TBC1D19: variants seen among roughly 807,000 people sequenced by gnomAD.
TBC1D19 encodes TBC1 domain family, member 19.
A neutral mutation model predicts 89.0 loss-of-function variants in TBC1D19; 60 were observed. That is an observed-to-expected ratio of 0.67 (90% CI 0.55 to 0.84). The LOEUF (loss-of-function observed/expected upper bound fraction) is 0.84, where lower values mean the gene tolerates loss of function less well. Among genes scored for constraint, TBC1D19 ranks in the 40% least tolerant of loss-of-function variants. The probability of loss-of-function intolerance (pLI) is 0.00; values close to 1 mark genes in which losing one functional copy is unlikely to be tolerated. For synonymous variants in TBC1D19, 189 were observed against 199.7 expected, an observed-to-expected ratio of 0.95 and a Z score of 0.45; for missense variants, 500 against 610.8, an observed-to-expected ratio of 0.82 and a Z score of 1.91.
chr4:26,776,590 C>CTAGT, the TBC1D19 span, among the ~76,000 whole-genome samples: 12 of 152,114 alleles, frequency 7.9e-5, no homozygotes, highest in African/African-American at 2.9e-4. Context: ...CAATGTCATC[C>CTAGT]TAGTCATTTT....
intron 3 of TBC1D19, among the ~76,000 whole-genome samples, chr4:26,619,422 G>T (rs2110029946): frequency 6.6e-6 from 1 of 152,130 alleles, no homozygotes; most frequent in Non-Finnish European, 1.5e-5. Context: ...AGCCAGGATG[G>T]TCTCGAGCTC....
chr4:26,637,210 G>A lies in TBC1D19; in HGVS notation c.295-1G>A. On this transcript the variant is annotated splice_acceptor_variant, in intron 4 of 20. Coordinates refer to ENST00000264866, the MANE Select transcript of TBC1D19 (RefSeq NM_018317.4). LOFTEE classifies it high-confidence loss of function. The stretch of plus-strand genomic sequence containing the variant: ...ATAATTGATTGTTTTTTATGTTTCA[G>A]GGAAGTTGGGAAAAAAGAATTTTGA... 2 of 1,599,896 alleles carry A rather than the reference G, an allele frequency of 1.3e-6. No homozygotes were observed. Among genetic ancestry groups the A allele is most frequent in the Non-Finnish European group, 1.7e-6 (2 of 1,170,926 alleles).
chr4:26,612,437 A>G (rs553834138), intron 1 of TBC1D19, among the ~76,000 whole-genome samples: 3 of 152,058 alleles, frequency 2.0e-5, no homozygotes, highest in Non-Finnish European at 4.4e-5. Context: ...TAAGTGGAGG[A>G]TAAGACCAGT....
At chr4:26,759,790 T>G (rs2109344698), downstream of TBC1D19, among the ~76,000 whole-genome samples, 1 of 152,368 alleles carries the variant, frequency 6.6e-6, no homozygotes, top group East Asian at 1.9e-4. Flanking sequence ...GTGATAGTAG[T>G]TCATTCCTTT....
intron 7 of TBC1D19, among the ~76,000 whole-genome samples, chr4:26,642,157 A>C (rs1455274497): frequency 1.3e-5 from 2 of 152,188 alleles, no homozygotes; most frequent in Non-Finnish European, 2.9e-5. Flanking sequence ...ATGAAGGAAA[A>C]CATGTTAAGG....
upstream of TBC1D19, among the ~76,000 whole-genome samples, chr4:26,581,335 C>T (rs1312634655): frequency 5.9e-5 from 9 of 152,268 alleles, no homozygotes; most frequent in African/African-American, 7.2e-5. Flanking sequence ...TTTTAAGCCC[C>T]GCATGCATTA....
chr4:26,638,740 A>T (rs779585439), intron 5 of TBC1D19, 31 bp from the exon 6 acceptor site: 5 of 1,569,548 alleles, frequency 3.2e-6, no homozygotes, highest in Non-Finnish European at 4.3e-6. Context: ...AAAAAATGAA[A>T]TGAAACCAGT....
intron 1 of TBC1D19, among the ~76,000 whole-genome samples, chr4:26,596,939 G>A (rs1740261176): frequency 2.0e-5 from 3 of 152,132 alleles, no homozygotes; most frequent in Admixed American, 1.3e-4. Flanking sequence ...GCTGAAGCTT[G>A]CTTTGCTGAT....
At chr4:26,697,327 C>T (rs555082990) in intron 13 of TBC1D19, among the ~76,000 whole-genome samples, 31 of 152,276 alleles carry the variant, frequency 2.0e-4, no homozygotes, top group Non-Finnish European at 3.5e-4. Context: ...AGTTGAATCT[C>T]TGAATGGAAC....
chr4:26,672,852 TA>T (rs1712440590), intron 10 of TBC1D19, among the ~76,000 whole-genome samples: 1 of 151,960 alleles, frequency 6.6e-6, no homozygotes, highest in Admixed American at 6.6e-5. Context: ...ACACTTTTAT[TA>T]AGAGCAATTT....
the TBC1D19 span, among the ~76,000 whole-genome samples, chr4:26,787,592 G>A: frequency 6.6e-6 from 1 of 152,122 alleles, no homozygotes; most frequent in Non-Finnish European, 1.5e-5. Flanking sequence ...GTCACTGAGG[G>A]GGCTCCCAGA....
intron 8 of TBC1D19, among the ~76,000 whole-genome samples, chr4:26,665,542 A>C (rs1711732618): frequency 6.6e-6 from 1 of 152,034 alleles, no homozygotes; most frequent in Non-Finnish European, 1.5e-5. Context: ...CTAGATAAGT[A>C]GAGGAAGTCT....
chr4:26,728,666 T>C (rs1717466851), intron 15 of TBC1D19, among the ~76,000 whole-genome samples: 1 of 152,184 alleles, frequency 6.6e-6, no homozygotes, highest in East Asian at 1.9e-4. Flanking sequence ...CCTTCTAATC[T>C]GGTTTTTAAT....
At chr4:26,846,362 A>G in the TBC1D19 span, among the ~76,000 whole-genome samples, 1 of 152,290 alleles carries the variant, frequency 6.6e-6, no homozygotes, top group Non-Finnish European at 1.5e-5. Flanking sequence ...TTGGCACTTC[A>G]TTAGTCAAGT....
chr4:26,583,873 G>A (rs979380893), upstream of TBC1D19: 9 of 335,480 alleles, frequency 2.7e-5, no homozygotes, highest in African/African-American at 1.3e-4. Flanking sequence ...TCCCCCTTGT[G>A]CATCAGAGGC....
intron 4 of TBC1D19, among the ~76,000 whole-genome samples, chr4:26,632,430 ATAAG>A (rs942836079): frequency 1.1e-4 from 16 of 151,796 alleles, no homozygotes; most frequent in Admixed American, 5.3e-4. Context: ...GAAGAAAATC[ATAAG>A]TAAGAAAAAT....
At chr4:26,785,274 G>A in the TBC1D19 span, among the ~76,000 whole-genome samples, 1 of 152,246 alleles carries the variant, frequency 6.6e-6, no homozygotes, top group African/African-American at 2.4e-5. Flanking sequence ...CTCCCAAATA[G>A]TTGCTTCTTT....
At chr4:26,745,112 A>G (rs532739636) in intron 18 of TBC1D19, among the ~76,000 whole-genome samples, 2 of 152,176 alleles carry the variant, frequency 1.3e-5, no homozygotes, top group African/African-American at 2.4e-5. Context: ...TAAATCTACT[A>G]TGTCTGATAT....
At chr4:26,813,262 CG>C in the TBC1D19 span, among the ~76,000 whole-genome samples, 1 of 150,458 alleles carries the variant, frequency 6.6e-6, no homozygotes, top group African/African-American at 2.5e-5. Context: ...AACAAACAAA[CG>C]AAAAAAAAGA....
Sources: gnomAD v4.1 joint callset for allele counts (sites outside exome capture counted in the v4.1 genomes callset) on GRCh38, gnomAD v4.1.1 for gene constraint, MANE v1.5 for transcripts, NCBI Gene and HGNC (gene_info 2026-07-23, HGNC 2026-07-21) for gene names.